ZDHHC14: variants seen among roughly 807,000 people sequenced by gnomAD.
ZDHHC14 encodes the protein palmitoyltransferase ZDHHC14.
Under a neutral mutation model 47.7 loss-of-function variants are expected in ZDHHC14, and 16 were observed. The observed-to-expected ratio is 0.34, with a 90% CI of 0.23 to 0.51. The LOEUF (loss-of-function observed/expected upper bound fraction) is 0.51. ZDHHC14 is among the 20% of genes least tolerant of loss of function. The probability of loss-of-function intolerance (pLI) is 0.97; values close to 1 mark genes in which losing one functional copy is unlikely to be tolerated. For synonymous variants in ZDHHC14, 293 were observed against 278.9 expected, an observed-to-expected ratio of 1.05 and a Z score of -0.50; for missense variants, 515 against 662.5, an observed-to-expected ratio of 0.78 and a Z score of 2.44.
At chr6:157,611,159 C>T (rs1327396142) in intron 3 of ZDHHC14, among the ~76,000 whole-genome samples, 1 of 152,066 alleles carries the variant, frequency 6.6e-6, no homozygotes, top group Non-Finnish European at 1.5e-5. Flanking sequence ...GCCACCATGC[C>T]CAGCTAATTT....
intron 1 of ZDHHC14, among the ~76,000 whole-genome samples, chr6:157,423,580 T>C (rs1344829738): frequency 1.3e-5 from 2 of 152,222 alleles, no homozygotes; most frequent in Non-Finnish European, 2.9e-5. Context: ...TTTCGGCATG[T>C]ATAACACTGA....
At chr6:157,421,646 C>T (rs763791120) in intron 1 of ZDHHC14, among the ~76,000 whole-genome samples, 8 of 151,794 alleles carry the variant, frequency 5.3e-5, no homozygotes, top group African/African-American at 1.7e-4. Flanking sequence ...CTTGCTCTGT[C>T]GCCCAGGCTG....
intron 1 of ZDHHC14, among the ~76,000 whole-genome samples, chr6:157,527,718 G>A (rs1438542763): frequency 6.6e-6 from 1 of 152,214 alleles, no homozygotes; most frequent in East Asian, 1.9e-4. Flanking sequence ...TAAACATGAA[G>A]CAGTGTTTTC....
In ZDHHC14 at chr6:157,559,137, T is replaced by G. The variant is rs193231419; in HGVS notation, c.406+16392T>G. ...CTTTAATCAATATTTTAATAACTAT[T>G]TGCACACTTTGACAATTATGACTAC... On this transcript the variant is annotated intron_variant, in intron 2 of 8. Coordinates refer to ENST00000359775, the MANE Select transcript of ZDHHC14 (RefSeq NM_024630.3). Among the ~76,000 whole-genome samples the G allele has an allele frequency of 7.9e-4, 120 of 152,354 alleles. 2 individuals carry two copies. The highest frequency in any genetic ancestry group is 2.8e-3 in the African/African-American group (115 of 41,586).
chr6:157,635,983 C>T (rs1776953335), intron 5 of ZDHHC14, among the ~76,000 whole-genome samples: 1 of 152,156 alleles, frequency 6.6e-6, no homozygotes, highest in Non-Finnish European at 1.5e-5. Context: ...TGACTCTTTC[C>T]TCCCACAGCC....
intron 1 of ZDHHC14, among the ~76,000 whole-genome samples, chr6:157,540,202 G>A (rs562638723): frequency 6.6e-6 from 1 of 152,348 alleles, no homozygotes; most frequent in East Asian, 1.9e-4. Context: ...CCTGCAGTGA[G>A]AGTGTGGCAG....
intron 1 of ZDHHC14, among the ~76,000 whole-genome samples, chr6:157,456,034 C>T (rs935218108): frequency 2.6e-5 from 4 of 152,134 alleles, no homozygotes; most frequent in South Asian, 2.1e-4. Flanking sequence ...TTTGCTTTTT[C>T]GGCGAGGATT....
At chr6:157,478,680 T>C (rs1220094896) in intron 1 of ZDHHC14, among the ~76,000 whole-genome samples, 1 of 152,196 alleles carries the variant, frequency 6.6e-6, no homozygotes, top group African/African-American at 2.4e-5. Flanking sequence ...ACTCTGCTGT[T>C]TTCCTGTTGT....
chr6:157,390,687 T>C (rs1453236800), intron 1 of ZDHHC14, among the ~76,000 whole-genome samples: 1 of 152,276 alleles, frequency 6.6e-6, no homozygotes, highest in African/African-American at 2.4e-5. Context: ...ATTTTTGATA[T>C]CTTTTTTTTA....
At chr6:157,588,928 G>A (rs1239165409) in intron 2 of ZDHHC14, among the ~76,000 whole-genome samples, 1 of 152,094 alleles carries the variant, frequency 6.6e-6, no homozygotes. Flanking sequence ...TATGGATGCT[G>A]GTGGACCACT....
intron 3 of ZDHHC14, among the ~76,000 whole-genome samples, chr6:157,619,056 C>T (rs1261081344): frequency 6.6e-6 from 1 of 152,080 alleles, no homozygotes; most frequent in East Asian, 1.9e-4. Flanking sequence ...GAATGCCGGC[C>T]TCTGCAGTGC....
At chr6:157,541,030 C>G (rs747355417) in intron 1 of ZDHHC14, among the ~76,000 whole-genome samples, 1 of 151,516 alleles carries the variant, frequency 6.6e-6, no homozygotes, top group African/African-American at 2.4e-5. Flanking sequence ...AGAGAAGTTA[C>G]AAGAATAAGA....
intron 1 of ZDHHC14, among the ~76,000 whole-genome samples, chr6:157,517,375 C>T (rs1183885440): frequency 6.6e-6 from 1 of 150,630 alleles, no homozygotes; most frequent in Non-Finnish European, 1.5e-5. Context: ...AGTGCAGTGG[C>T]GCAGTCTCAA....
At chr6:157,416,351 G>A (rs1327466946) in intron 1 of ZDHHC14, among the ~76,000 whole-genome samples, 1 of 151,940 alleles carries the variant, frequency 6.6e-6, no homozygotes, top group South Asian at 2.1e-4. Flanking sequence ...CATTTTGAAA[G>A]TATTTTTCAT....
chr6:157,614,199 C>T (rs1784866481), intron 3 of ZDHHC14, among the ~76,000 whole-genome samples: 1 of 152,138 alleles, frequency 6.6e-6, no homozygotes, highest in Non-Finnish European at 1.5e-5. Context: ...GCCATAGAGT[C>T]CTACATCCCA....
chr6:157,535,003 CTA>C (rs1781491772), intron 1 of ZDHHC14, among the ~76,000 whole-genome samples: 1 of 152,174 alleles, frequency 6.6e-6, no homozygotes, highest in African/African-American at 2.4e-5. Flanking sequence ...TGTTTACACA[CTA>C]TGATTTGAAG....
chr6:157,619,294 G>A (rs1016578305), intron 3 of ZDHHC14, among the ~76,000 whole-genome samples: 4 of 152,048 alleles, frequency 2.6e-5, no homozygotes, highest in Admixed American at 2.6e-4. Context: ...GGGAGCCTGA[G>A]GCAAGAGAAT....
At chr6:157,546,428 A>G (rs1030153893) in intron 2 of ZDHHC14, among the ~76,000 whole-genome samples, 1 of 152,174 alleles carries the variant, frequency 6.6e-6, no homozygotes, top group African/African-American at 2.4e-5. Context: ...TTTATTGAAG[A>G]TTTGCCAAGG....
chr6:157,600,769 T>G (rs1297098706), intron 3 of ZDHHC14, among the ~76,000 whole-genome samples: 1 of 152,218 alleles, frequency 6.6e-6, no homozygotes. Flanking sequence ...TAGGCAGAAT[T>G]CTGGCCCCCA....
Sources: gnomAD v4.1 joint callset for allele counts (sites outside exome capture counted in the v4.1 genomes callset) on GRCh38, gnomAD v4.1.1 for gene constraint, MANE v1.5 for transcripts, NCBI Gene and HGNC (gene_info 2026-07-23, HGNC 2026-07-21) for gene names.